Variants in DRG2 observed in about 807,000 individuals in gnomAD.
The protein encoded by DRG2 is developmentally-regulated GTP-binding protein 2.
DRG2 carries 36 observed loss-of-function variants against 53.4 expected under a neutral mutation model. That is an observed-to-expected ratio of 0.67 (90% CI 0.52 to 0.89). The LOEUF is 0.89. DRG2 is among the 40% of genes least tolerant of loss of function. The pLI is 0.00. For missense variants in DRG2, 342 were observed against 481.2 expected (o/e 0.71, Z 2.71); for synonymous variants, 167 against 192.1 (o/e 0.87, Z 1.08).
chr17:18,099,702 C>T lies in DRG2; in HGVS notation c.446C>T (p.Ala149Val). The T allele has an allele frequency of 6.2e-7, 1 of 1,605,696 alleles. No homozygotes were observed. Among genetic ancestry groups the T allele is most frequent in the Non-Finnish European group, 8.5e-7 (1 of 1,176,926 alleles). Residue 149 changes from alanine (A) to valine (V), a missense_variant, in exon 5 of 13, where the codon GCC becomes GTC. Ala to Val is a moderately conservative substitution (Grantham distance 64). Coordinates refer to ENST00000225729, the MANE Select transcript of DRG2 (RefSeq NM_001388.5). The surrounding 1 kb of genome is among the most constrained non-coding windows in gnomAD (Gnocchi z 4.4). ...TADVIIMMLD[A>V]TKGEVQRSLL... The stretch of plus-strand genomic sequence containing the variant: ...GACGTCATCATCATGATGCTGGATG[C>T]CACCAAGGGAGAGGTGCAGAGGTCC...
In DRG2 at chr17:18,100,222, G is replaced by A. The variant is rs942060149; in HGVS notation, c.468-141G>A. 2.7e-5 allele frequency: 23 copies of A among 840,266 alleles called. No individual in the cohort carries two copies. Among genetic ancestry groups the A allele is most frequent in the East Asian group, 4.9e-5 (2 of 41,168 alleles). 52.1% of individuals were successfully genotyped at this position (840,266 alleles called of 1,614,324 possible). ...CCCTGCAGCTCTAGGGCATTGGGAA[G>A]GAGTGTTCTCTGGGTTGCTGGGGAA... On this transcript the variant is annotated intron_variant, in intron 5 of 12. Transcript: ENST00000225729. This position sits in a 1 kb window ranked among gnomAD's most constrained non-coding sequence, Gnocchi z 4.1.
chr17:18,097,163 C>T (rs1346883263), intron 2 of DRG2: 1 of 152,250 alleles, frequency 6.6e-6, no homozygotes, highest in African/African-American at 2.4e-5. Flanking sequence ...TGCTGGCTGT[C>T]TCAACAGCCA....
chr17:18,104,601 T>C, intron 10 of DRG2, 22 bp from the exon 11 acceptor site: 1 of 1,613,782 alleles, frequency 6.2e-7, no homozygotes, highest in Non-Finnish European at 8.5e-7. Context: ...GTGGCTGACG[T>C]TCTCCCCATC....
Position 18,098,227 on chromosome 17 carries a change from C to G in DRG2, c.226-43C>G. 6.4e-7 allele frequency: 1 copy of G among 1,566,686 alleles called. No individual in the cohort carries two copies. Among genetic ancestry groups the G allele is most frequent in the South Asian group, 1.1e-5 (1 of 89,958 alleles). ...GCCCCTGGGGCCTCTCCCAGAAGGC[C>G]AGGGACAAGGCTCCTCAGTGCAATG... On this transcript the variant is annotated intron_variant, in intron 2 of 12. Coordinates refer to ENST00000225729, the MANE Select transcript of DRG2 (RefSeq NM_001388.5). The surrounding 1 kb of genome is among the most constrained non-coding windows in gnomAD (Gnocchi z 4.1).
rs1244738378 is a variant in DRG2, at chr17:18,093,940, T to C, written c.192T>C (p.Arg64=). 3.7e-6 allele frequency: 6 copies of C among 1,614,150 alleles called. No homozygotes were observed. Among genetic ancestry groups the C allele is most frequent in the Non-Finnish European group, 5.1e-6 (6 of 1,180,014 alleles). The change falls in exon 2 of 13, where the codon CGT becomes CGC. Residue 64 remains arginine (R), a synonymous_variant. Transcript: ENST00000225729. The part of the protein sequence containing the change: ...GFDVMKSGDA[R]VALIGFPSVG... ...ATGTCATGAAGTCGGGTGATGCCCG[T>C]GTGGCGCTGATTGGATTTCCCTCTG...
intron 1 of DRG2, among the ~76,000 whole-genome samples, chr17:18,089,822 A>G (rs962016325): frequency 6.6e-6 from 1 of 152,150 alleles, no homozygotes; most frequent in African/African-American, 2.4e-5. Flanking sequence ...GGCTGTTTAC[A>G]GGTCAACAGG....
rs2045331555 is a variant in DRG2, at chr17:18,091,431, C to A, written c.65-2382C>A. On this transcript the variant is annotated intron_variant, in intron 1 of 12. Transcript: ENST00000225729. ...TGAAACCCCGTCTCTACTAAAAATA[C>A]AAAAATTAGCCAGGCATGGTGGCAC... is the stretch of plus-strand genomic sequence containing the variant. Among the ~76,000 whole-genome samples the A allele has an allele frequency of 2.0e-5, 3 of 152,068 alleles. No homozygotes were observed. In the South Asian group the frequency reaches 6.2e-4, roughly 31 times the overall value.
In DRG2 at chr17:18,098,618, C is replaced by T. The variant is rs1009176716; in HGVS notation, c.315+259C>T. ...CTGGCGCCCCCTGTGCTCTCCTCCC[C>T]AACACCACCACAGCTCTGGTCACTA... On this transcript the variant is annotated intron_variant, in intron 3 of 12. Coordinates refer to ENST00000225729, the MANE Select transcript of DRG2 (RefSeq NM_001388.5). The surrounding 1 kb of genome is among the most constrained non-coding windows in gnomAD (Gnocchi z 4.1). The T allele has an allele frequency of 6.2e-6, 3 of 484,872 alleles. No individual in the cohort carries two copies. The highest frequency in any genetic ancestry group is 5.8e-5 in the African/African-American group (3 of 51,582). 30.0% of individuals were successfully genotyped at this position (484,872 alleles called of 1,614,324 possible). A position where few individuals can be genotyped will look rare whatever the true frequency, so the allele number is the denominator to read the frequency against.
At chr17:18,094,268 CAT>C (rs749646784) in intron 2 of DRG2, 7 of 290,722 alleles carry the variant, frequency 2.4e-5, no homozygotes, top group Non-Finnish European at 3.9e-5. Flanking sequence ...GGACTAGAGA[CAT>C]AGCATGAATG....
At position 18,099,778 on chromosome 17, in the gene DRG2, C is replaced by A; in HGVS notation, c.467+55C>A. On this transcript the variant is annotated intron_variant, in intron 5 of 12. Transcript: ENST00000225729. The surrounding 1 kb of genome is among the most constrained non-coding windows in gnomAD (Gnocchi z 4.4). Reference sequence around the variant, plus strand: ...ACATGTCTGGGGAGGGCCAATGTGTCCCTGAGCTCGTACTAGGCGGCCTGT... The same window carrying A: ...ACATGTCTGGGGAGGGCCAATGTGTACCTGAGCTCGTACTAGGCGGCCTGT... 6.5e-7 allele frequency: 1 copy of A among 1,538,282 alleles called. No homozygotes were observed. Among genetic ancestry groups the A allele is most frequent in the South Asian group, 1.2e-5 (1 of 83,926 alleles).
At position 18,103,961 on chromosome 17, in the gene DRG2, G is replaced by A; in HGVS notation, c.895+72G>A. 2 of 1,473,820 alleles carry A rather than the reference G, an allele frequency of 1.4e-6. No individual in the cohort carries two copies. The highest frequency in any genetic ancestry group is 9.5e-7 in the Non-Finnish European group (1 of 1,054,768). 91.3% of individuals were successfully genotyped at this position (1,473,820 alleles called of 1,614,324 possible). On this transcript the variant is annotated intron_variant, in intron 10 of 12. Transcript: ENST00000225729. The surrounding 1 kb of genome is among the most constrained non-coding windows in gnomAD (Gnocchi z 4.4). ...TAGAAGGCTGCCAGGCCGGTGTGTG[G>A]TGCCCAGAGACCCCAGCACCGGCTC... is the stretch of plus-strand genomic sequence containing the variant.
chr17:18,103,708 G>A lies in DRG2; in HGVS notation c.807-93G>A. On this transcript the variant is annotated intron_variant, in intron 9 of 12. Coordinates refer to ENST00000225729, the MANE Select transcript of DRG2 (RefSeq NM_001388.5). This position sits in a 1 kb window ranked among gnomAD's most constrained non-coding sequence, Gnocchi z 4.4. The stretch of plus-strand genomic sequence containing the variant: ...TGGGTACCAGCGGGCCACCTGGCCA[G>A]TGGAGGTTATCCGCTCCAATAGTGA... 8.1e-7 allele frequency: 1 copy of A among 1,227,630 alleles called. No individual in the cohort carries two copies. The highest frequency in any genetic ancestry group is 1.2e-5 in the South Asian group (1 of 82,204). The allele number at this position is 1,227,630 out of a possible 1,614,324, so 76.0% of individuals were successfully genotyped here.
In DRG2 at chr17:18,099,973, G is replaced by A. The variant is rs2045500580; in HGVS notation, c.467+250G>A. On this transcript the variant is annotated intron_variant, in intron 5 of 12. Transcript: ENST00000225729. The surrounding 1 kb of genome is among the most constrained non-coding windows in gnomAD (Gnocchi z 4.4). ...GGCCTGGCCCTGCTTCCTGTTCAGAGGCACAGGTGCCTCATCACTGCCCAG... is the reference window on the plus strand; with the variant it reads ...GGCCTGGCCCTGCTTCCTGTTCAGAAGCACAGGTGCCTCATCACTGCCCAG... The A allele has an allele frequency of 1.7e-6, 1 of 593,290 alleles. No homozygotes were observed. Among genetic ancestry groups the A allele is most frequent in the South Asian group, 2.0e-5 (1 of 49,830 alleles). 36.8% of individuals were successfully genotyped at this position (593,290 alleles called of 1,614,324 possible). A position where few individuals can be genotyped will look rare whatever the true frequency, so the allele number is the denominator to read the frequency against.
Position 18,101,925 on chromosome 17 carries a change from A to G in DRG2, c.734A>G (p.Tyr245Cys). ...NRVYMPCLYV[Y>C]NKIDQISMEE... The stretch of plus-strand genomic sequence containing the variant: ...CCTCCACCTTCTCAATCTCAGGTTT[A>G]TAACAAAATCGACCAGATCTCCATG... Residue 245 changes from tyrosine (Y) to cysteine (C), a missense_variant, in exon 9 of 13, where the codon TAT (tyrosine) becomes TGT (cysteine). Tyr to Cys is a radical substitution (Grantham distance 194). Coordinates refer to ENST00000225729, the MANE Select transcript of DRG2 (RefSeq NM_001388.5). The G allele has an allele frequency of 1.2e-6, 2 of 1,611,738 alleles. No individual in the cohort carries two copies. The highest frequency in any genetic ancestry group is 1.7e-6 in the Non-Finnish European group (2 of 1,178,694).
rs553319218 is a variant in DRG2, at chr17:18,097,913, T to C, written c.226-357T>C. 1.7e-5 allele frequency: 3 copies of C among 181,194 alleles called. No homozygotes were observed. The East Asian group carries it at 4.4e-4, about 27-fold the overall frequency. The allele number at this position is 181,194 out of a possible 1,614,324, so 11.2% of individuals were successfully genotyped here. The stretch of plus-strand genomic sequence containing the variant: ...CTGGGTACTGGTTCCACGAGTGCCG[T>C]GGGACTGCCACCTGCTTAAAGTTCT... On this transcript the variant is annotated intron_variant, in intron 2 of 12. Transcript: ENST00000225729.
rs1439846355 is a variant in DRG2 at position 18,104,357 on chromosome 17, G to A, written c.896-266G>A. On this transcript the variant is annotated intron_variant, in intron 10 of 12. Transcript: ENST00000225729. ...GCCCTGCCCGTTCAGTCCAGGTCCT[G>A]GTCTCTGTCAGTGCTGTCACAGCAG... is the stretch of plus-strand genomic sequence containing the variant. 1.8e-4 allele frequency among the ~76,000 whole-genome samples: 27 copies of A among 152,202 alleles called. 1 individual carries two copies.
At position 18,107,441 on chromosome 17, in the gene DRG2, C is replaced by G. The variant is rs2142213633; in HGVS notation, c.*201C>G. On this transcript the variant is annotated 3_prime_UTR_variant, in exon 13 of 13. Transcript: ENST00000225729. ...CAAAGGGGCTCGGTTGGAGGCATTTCCCATAAGACTGAGCCCTCTCATGGG... is the reference window on the plus strand; with the variant it reads ...CAAAGGGGCTCGGTTGGAGGCATTTGCCATAAGACTGAGCCCTCTCATGGG... 1.6e-6 allele frequency: 1 copy of G among 607,640 alleles called. No homozygotes were observed. Among genetic ancestry groups the G allele is most frequent in the South Asian group, 1.9e-5 (1 of 52,260 alleles). The allele number at this position is 607,640 out of a possible 1,614,324, so 37.6% of individuals were successfully genotyped here.
chr17:18,094,351 G>A (rs2045389964), intron 2 of DRG2: 2 of 166,014 alleles, frequency 1.2e-5, no homozygotes, highest in African/African-American at 2.4e-5. Context: ...TAAGTAATAA[G>A]GTGCATCCAG....
chr17:18,091,673 A>T (rs555705539), intron 1 of DRG2, among the ~76,000 whole-genome samples: 5 of 151,534 alleles, frequency 3.3e-5, no homozygotes, highest in African/African-American at 1.2e-4. Context: ...ACTGACCAAC[A>T]TGGAGAAACC....
Sources: gnomAD v4.1 joint callset for allele counts (sites outside exome capture counted in the v4.1 genomes callset) on GRCh38, gnomAD v4.1.1 for gene constraint, Gnocchi (gnomAD v3.1) non-coding constraint, MANE v1.5 for transcripts, NCBI Gene and HGNC (gene_info 2026-07-23, HGNC 2026-07-21) for gene names.